The following TAF8 variants were observed in gnomAD, a reference collection of about 807,000 sequenced individuals.
The protein encoded by TAF8 is TATA-box binding protein associated factor 8, also known as transcription initiation factor TFIID subunit 8.
TAF8 carries 47 observed loss-of-function variants against 36.5 expected under a neutral mutation model. The ratio of observed to expected loss-of-function variants is 1.29; its 90% CI spans 1.02 to 1.64. The LOEUF (loss-of-function observed/expected upper bound fraction) is 1.64, where lower values mean the gene tolerates loss of function less well. Ranked by LOEUF, TAF8 falls within the 40% of genes most tolerant of loss-of-function variation. The probability of loss-of-function intolerance (pLI) is 0.00; values close to 1 mark genes in which losing one functional copy is unlikely to be tolerated. For missense variants in TAF8, 420 were observed against 407.6 expected (o/e 1.03, Z -0.26); for synonymous variants, 175 against 159.5 (o/e 1.10, Z -0.73).
chr6:42,071,383 T>C (rs1391016848), intron 7 of TAF8: 2 of 183,758 alleles, frequency 1.1e-5, no homozygotes, highest in East Asian at 1.9e-4. Flanking sequence ...TGGAGTGCAG[T>C]GGCAAGATCT....
chr6:42,060,864 C>G (rs1765166288), intron 5 of TAF8, among the ~76,000 whole-genome samples: 1 of 152,180 alleles, frequency 6.6e-6, no homozygotes, highest in Non-Finnish European at 1.5e-5. Context: ...TTTCCAAATT[C>G]TGGAGAAATC....
intron 7 of TAF8, among the ~76,000 whole-genome samples, chr6:42,075,755 G>C (rs906009881): frequency 6.6e-6 from 1 of 152,192 alleles, no homozygotes; most frequent in Non-Finnish European, 1.5e-5. Context: ...ATAAAGACAG[G>C]ATAACTGACT....
chr6:42,086,666 T>C (rs1766033416), downstream of TAF8: 1 of 1,546,728 alleles, frequency 6.5e-7, no homozygotes. Flanking sequence ...CACCCTCTCC[T>C]GACAATCCAA....
intron 5 of TAF8, among the ~76,000 whole-genome samples, chr6:42,059,960 G>A (rs776499636): frequency 6.6e-6 from 1 of 152,196 alleles, no homozygotes; most frequent in Non-Finnish European, 1.5e-5. Flanking sequence ...ATGGGAATGG[G>A]AGTGAACCCG....
At chr6:42,051,261 T>G (rs984744486) in intron 1 of TAF8, 96 bp from the exon 2 acceptor site, 1 of 1,374,810 alleles carries the variant, frequency 7.3e-7, no homozygotes, top group East Asian at 2.4e-5. Context: ...TAAAATAAAA[T>G]TATTTAGTAA....
chr6:42,079,152 T>C lies in TAF8; in HGVS notation c.*1607T>C, dbSNP rs1455852687. On this transcript the variant is annotated 3_prime_UTR_variant, in exon 9 of 9. Transcript: ENST00000372977. ...AATAAAAAAAGGATAAAGTAAACAA[T>C]AGGAAAGGATTTGGTGGGGTGAGGG... 2.0e-6 allele frequency: 2 copies of C among 982,736 alleles called. No homozygotes were observed. The highest frequency in any genetic ancestry group is 1.8e-5 in the African/African-American group (1 of 57,064). 60.9% of individuals were successfully genotyped at this position (982,736 alleles called of 1,614,324 possible). A position where few individuals can be genotyped will look rare whatever the true frequency, so the allele number is the denominator to read the frequency against.
chr6:42,077,447 C>G, intron 8 of TAF8, 86 bp from the exon 9 acceptor site: 1 of 1,582,326 alleles, frequency 6.3e-7, no homozygotes, highest in Non-Finnish European at 8.6e-7. Flanking sequence ...TAGGGACCAA[C>G]CCTCACAGCA....
chr6:42,056,041 AG>A (rs762416538), intron 4 of TAF8, 27 bp downstream of exon 4: 1 of 1,517,048 alleles, frequency 6.6e-7, no homozygotes, highest in Non-Finnish European at 9.2e-7. Context: ...TGAGGTACTT[AG>A]CAATTTTTCA....
chr6:42,060,683 A>G (rs1765160653), intron 5 of TAF8, among the ~76,000 whole-genome samples: 2 of 152,300 alleles, frequency 1.3e-5, no homozygotes, highest in African/African-American at 4.8e-5. Context: ...ACGGGCTTTA[A>G]TTGGCTATAT....
At position 42,078,334 on chromosome 6, in the gene TAF8, A is replaced by G. The variant is rs1765824017; in HGVS notation, c.*789A>G. On this transcript the variant is annotated 3_prime_UTR_variant, in exon 9 of 9. Transcript: ENST00000372977. ...GAAAGGGCTCTTTGCTGCTGTGCTTATTACAAGGAAGACTGTTTGTCCAGC... is the reference window on the plus strand; with the variant it reads ...GAAAGGGCTCTTTGCTGCTGTGCTTGTTACAAGGAAGACTGTTTGTCCAGC... 1.0e-6 allele frequency: 1 copy of G among 984,692 alleles called. No homozygotes were observed. The highest frequency in any genetic ancestry group is 1.2e-6 in the Non-Finnish European group (1 of 829,588). The allele number at this position is 984,692 out of a possible 1,614,324, so 61.0% of individuals were successfully genotyped here.
intron 7 of TAF8, among the ~76,000 whole-genome samples, chr6:42,075,154 C>T (rs1365633884): frequency 1.4e-4 from 21 of 152,128 alleles, no homozygotes; most frequent in Admixed American, 7.9e-4. Flanking sequence ...ATGGACGGAG[C>T]GAGGAGATAC....
downstream of TAF8, among the ~76,000 whole-genome samples, chr6:42,086,374 T>C (rs1766025509): frequency 6.6e-6 from 1 of 152,246 alleles, no homozygotes. Context: ...TTTTCCATAT[T>C]GTGATTTTGA....
At chr6:42,066,826 C>T (rs1765382941) in intron 6 of TAF8, among the ~76,000 whole-genome samples, 1 of 152,154 alleles carries the variant, frequency 6.6e-6, no homozygotes, top group Admixed American at 6.6e-5. Flanking sequence ...CTTGGCATCT[C>T]AGCACTATTT....
chr6:42,077,476 A>G (rs1765793245), intron 8 of TAF8, 57 bp from the exon 9 acceptor site: 1 of 1,604,414 alleles, frequency 6.2e-7, no homozygotes, highest in Non-Finnish European at 8.5e-7. Context: ...GTTTTCCCCT[A>G]GAAGGAGAGC....
chr6:42,072,077 C>T (rs114828246), intron 7 of TAF8, among the ~76,000 whole-genome samples: 1,843 of 152,250 alleles, frequency 0.012, 45 homozygotes, highest in African/African-American at 0.04. Flanking sequence ...TGTTACTTTA[C>T]GCCTTAGTCT....
intron 5 of TAF8, 30 bp from the exon 6 acceptor site, chr6:42,066,281 CA>C: frequency 6.2e-7 from 1 of 1,610,488 alleles, no homozygotes; most frequent in Non-Finnish European, 8.5e-7. Flanking sequence ...ACTTCGGCAT[CA>C]CCCCAGTGTC....
chr6:42,077,412 C>T (rs1562021973), intron 8 of TAF8, 121 bp from the exon 9 acceptor site: 2 of 1,547,356 alleles, frequency 1.3e-6, no homozygotes, highest in Admixed American at 2.0e-5. Context: ...GCTCTTGTTC[C>T]TTAGTGGTTG....
At chr6:42,068,728 C>A (rs184342833) in intron 7 of TAF8, 121 bp downstream of exon 7, 806 of 1,191,872 alleles carry the variant, frequency 6.8e-4, no homozygotes, top group Non-Finnish European at 9.2e-4. Context: ...CTGTTAGGGG[C>A]CTGCATAAGG....
chr6:42,061,003 T>C (rs1765170953), intron 5 of TAF8, among the ~76,000 whole-genome samples: 1 of 152,238 alleles, frequency 6.6e-6, no homozygotes, highest in African/African-American at 2.4e-5. Context: ...TAGCAATGTT[T>C]AACACATTAG....
Sources: allele counts gnomAD v4.1 joint callset (sites outside exome capture counted in the v4.1 genomes callset), GRCh38; gene constraint gnomAD v4.1.1; transcripts MANE v1.5; gene names NCBI Gene and HGNC (gene_info 2026-07-23, HGNC 2026-07-21).